MTUS1: variants seen among roughly 807,000 people sequenced by gnomAD.
MTUS1 encodes the protein microtubule associated scaffold protein 1, also known as microtubule-associated tumor suppressor 1.
Under a neutral mutation model 120.8 loss-of-function variants are expected in MTUS1, and 109 were observed. The ratio of observed to expected loss-of-function variants is 0.90; its 90% confidence interval spans 0.77 to 1.06. MTUS1 has a LOEUF of 1.06. Ranked by LOEUF, MTUS1 falls within the 50% of genes least tolerant of loss-of-function variation. The pLI is 0.00. For missense variants in MTUS1, 2,210 were observed against 1,486.3 expected, an observed-to-expected ratio of 1.49 and a Z score of -8.01; for synonymous variants, 737 against 550.5, an observed-to-expected ratio of 1.34 and a Z score of -4.74.
At chr8:17,695,394 T>A (rs527965691) in intron 6 of MTUS1, among the ~76,000 whole-genome samples, 3 of 152,212 alleles carry the variant, frequency 2.0e-5, no homozygotes, top group African/African-American at 4.8e-5. Flanking sequence ...GGCAAGCGAA[T>A]TCACTTCTCT....
In MTUS1 at chr8:17,794,914, C is replaced by T. The variant is rs536901210; in HGVS notation, c.-155+6147G>A. 1.8e-4 allele frequency among the ~76,000 whole-genome samples: 27 copies of T among 152,222 alleles called. 1 individual carries two copies. Among genetic ancestry groups the T allele is most frequent in the Middle Eastern group, 3.4e-3 (1 of 294 alleles). On this transcript the variant is annotated intron_variant, in intron 1 of 14. Transcript: ENST00000693296. ...AGCTAGCCAAGGGAGCTATGTTTTA[C>T]GAGGACATGCAGTTTCAACTTCGTA...
At chr8:17,657,261 A>G (rs1808516087) in intron 8 of MTUS1, among the ~76,000 whole-genome samples, 1 of 151,832 alleles carries the variant, frequency 6.6e-6, no homozygotes, top group Non-Finnish European at 1.5e-5. Flanking sequence ...GGTTTGTGCT[A>G]TAATTCAAGT....
chr8:17,743,499 C>T (rs2047496672), intron 3 of MTUS1, 105 bp downstream of exon 3: 2 of 1,110,000 alleles, frequency 1.8e-6, no homozygotes, highest in East Asian at 2.4e-5. Flanking sequence ...TGCTGATCCA[C>T]AAAAGGCTAA....
At chr8:17,735,905 A>T (rs922628842) in intron 3 of MTUS1, among the ~76,000 whole-genome samples, 28 of 152,250 alleles carry the variant, frequency 1.8e-4, no homozygotes, top group African/African-American at 6.8e-4. Flanking sequence ...ACAGCACTAT[A>T]AATGCAAAGC....
In MTUS1 at chr8:17,687,079, T is replaced by C. The variant is rs150966633; in HGVS notation, c.2624-2537A>G. 9.8e-5 allele frequency among the ~76,000 whole-genome samples: 15 copies of C among 152,286 alleles called. No homozygotes were observed. In the East Asian group the frequency reaches 1.2e-3, roughly 12 times the overall value. ...AGGGTTTGTAAGTGATTACTCAGGA[T>C]AGCTTTATGATTAAGGAGGAAAGAA... On this transcript the variant is annotated intron_variant, in intron 6 of 14. Transcript: ENST00000693296.
rs140886357 is a variant in MTUS1, at chr8:17,767,631, C to T, written c.-154-11670G>A. ...GGAGGACTGCCTGAGCCCAGGATTT[C>T]GAGGTTACAGTGAGCCATGATCACG... On this transcript the variant is annotated intron_variant, in intron 1 of 14. Transcript: ENST00000693296. Among the ~76,000 whole-genome samples, 100 of 148,566 alleles carry T rather than the reference C, an allele frequency of 6.7e-4. No homozygotes were observed. In the East Asian group the frequency reaches 0.016, roughly 24 times the overall value.
chr8:17,727,377 G>A (rs570126787), intron 3 of MTUS1, among the ~76,000 whole-genome samples: 88 of 152,144 alleles, frequency 5.8e-4, no homozygotes, highest in African/African-American at 2.0e-3. Context: ...GTGTTCCCTC[G>A]GCCATGCCAC....
chr8:17,797,920 C>T (rs1453504368), intron 1 of MTUS1, among the ~76,000 whole-genome samples: 2 of 152,120 alleles, frequency 1.3e-5, no homozygotes, highest in African/African-American at 2.4e-5. Flanking sequence ...ATCAGGAAGA[C>T]GTGTTCCCCC....
At chr8:17,778,892 T>C (rs1388431205) in intron 1 of MTUS1, among the ~76,000 whole-genome samples, 2 of 152,138 alleles carry the variant, frequency 1.3e-5, no homozygotes, top group African/African-American at 4.8e-5. Context: ...AAGGTGTCTG[T>C]TTTATAATAT....
chr8:17,705,241 C>T (rs921155894), intron 6 of MTUS1, among the ~76,000 whole-genome samples: 1 of 152,136 alleles, frequency 6.6e-6, no homozygotes, highest in South Asian at 2.1e-4. Context: ...GTCTTGGCCC[C>T]CCAAAGTGTT....
At chr8:17,662,467 T>A (rs1809965913) in intron 8 of MTUS1, among the ~76,000 whole-genome samples, 1 of 151,108 alleles carries the variant, frequency 6.6e-6, no homozygotes, top group African/African-American at 2.4e-5. Context: ...GCGATTCTCT[T>A]GCCACAGCCT....
At position 17,653,416 on chromosome 8, in the gene MTUS1, T is replaced by A; in HGVS notation, c.3288+9A>T. 6.3e-7 allele frequency: 1 copy of A among 1,596,884 alleles called. No homozygotes were observed. The highest frequency in any genetic ancestry group is 1.1e-5 in the South Asian group (1 of 88,204). ...TGTGGGGGATACTGGGATATTGACA[T>A]TCACCCACCTCTAGCGATTCCTGCT... On this transcript the variant is annotated intron_variant, in intron 11 of 14. Coordinates refer to ENST00000693296, the MANE Select transcript of MTUS1 (RefSeq NM_001363059.2).
At chr8:17,770,324 G>A (rs1365485202) in intron 1 of MTUS1, 8 of 152,152 alleles carry the variant, frequency 5.3e-5, no homozygotes, top group Middle Eastern at 3.4e-3. Context: ...ATAAGCAGGT[G>A]GAAAGCATCT....
intron 4 of MTUS1, 127 bp from the exon 5 acceptor site, chr8:17,716,028 A>C: frequency 1.3e-6 from 1 of 790,702 alleles, no homozygotes; most frequent in Non-Finnish European, 2.0e-6. Flanking sequence ...GTCATTACTG[A>C]ACATTGGGAA....
Position 17,666,299 on chromosome 8 carries a change from T to C in MTUS1, c.2905+8887A>G, listed in dbSNP as rs1475803526. ...TTCAATGTAAAAAAAAAAAAAAGGA[T>C]GATTTTAAGTCAGGGACTATTCATT... On this transcript the variant is annotated intron_variant, in intron 8 of 14. Transcript: ENST00000693296. 2.0e-5 allele frequency among the ~76,000 whole-genome samples: 3 copies of C among 149,462 alleles called. 1 individual carries two copies. The highest frequency in any genetic ancestry group is 4.2e-4 in the South Asian group (2 of 4,744).
At chr8:17,686,428 A>G (rs991733573) in intron 6 of MTUS1, among the ~76,000 whole-genome samples, 2 of 152,260 alleles carry the variant, frequency 1.3e-5, no homozygotes, top group African/African-American at 2.4e-5. Context: ...ATAACTTTAT[A>G]AACAAAAATG....
intron 8 of MTUS1, among the ~76,000 whole-genome samples, chr8:17,658,658 CAT>C (rs1253039262): frequency 1.3e-5 from 2 of 152,118 alleles, no homozygotes; most frequent in African/African-American, 4.8e-5. Context: ...AAAGGAATAA[CAT>C]ATCAGGAGTT....
At chr8:17,737,203 A>T (rs528692197) in intron 3 of MTUS1, among the ~76,000 whole-genome samples, 2 of 152,322 alleles carry the variant, frequency 1.3e-5, no homozygotes, top group African/African-American at 4.8e-5. Flanking sequence ...GTCTCCACCA[A>T]TTACCCCACT....
At chr8:17,797,345 G>C (rs1424507178) in intron 1 of MTUS1, among the ~76,000 whole-genome samples, 3 of 152,142 alleles carry the variant, frequency 2.0e-5, no homozygotes, top group Non-Finnish European at 2.9e-5. Flanking sequence ...CCTGGGACGT[G>C]AAGGCTGCAG....
Sources: gnomAD v4.1 joint callset for allele counts (sites outside exome capture counted in the v4.1 genomes callset) on GRCh38, gnomAD v4.1.1 for gene constraint, MANE v1.5 for transcripts, NCBI Gene and HGNC (gene_info 2026-07-23, HGNC 2026-07-21) for gene names.